The following MAST2 variants were observed in gnomAD, a reference collection of about 807,000 sequenced individuals.
The protein encoded by MAST2 is microtubule-associated serine/threonine-protein kinase 2.
Under a neutral mutation model 147.4 loss-of-function variants are expected in MAST2, and 70 were observed. The ratio of observed to expected loss-of-function variants is 0.47; its 90% CI spans 0.39 to 0.58. The LOEUF (loss-of-function observed/expected upper bound fraction) is 0.58. Among genes scored for constraint, MAST2 ranks in the 20% least tolerant of loss-of-function variants. The pLI is 0.00. For synonymous variants in MAST2, 869 were observed against 896.8 expected, an observed-to-expected ratio of 0.97 and a Z score of 0.55; for missense variants, 2,080 against 2,302.3, an observed-to-expected ratio of 0.90 and a Z score of 1.98.
In MAST2 at chr1:45,866,549, T is replaced by C. The variant is rs762202395; in HGVS notation, c.469-15815T>C. On this transcript the variant is annotated intron_variant, in intron 3 of 28. Coordinates refer to ENST00000361297, the MANE Select transcript of MAST2 (RefSeq NM_015112.3). ...TTGTTGAATGGGAAATATTTTCTGT[T>C]TTGTGTTAAATCATTCATTTTCTCC... is the stretch of plus-strand genomic sequence containing the variant. 2.8e-4 allele frequency among the ~76,000 whole-genome samples: 42 copies of C among 152,242 alleles called. 1 individual carries two copies. The Middle Eastern group carries it at 0.034, about 123-fold the overall frequency.
chr1:45,868,530 C>T (rs982345478), intron 3 of MAST2, among the ~76,000 whole-genome samples: 2 of 152,024 alleles, frequency 1.3e-5, no homozygotes, highest in African/African-American at 4.8e-5. Context: ...TATGCACCCC[C>T]CCCAACCCCC....
chr1:45,994,764 G>A (rs1644988571), intron 5 of MAST2, among the ~76,000 whole-genome samples: 1 of 152,032 alleles, frequency 6.6e-6, no homozygotes, highest in African/African-American at 2.4e-5. Context: ...GGGTACTAAG[G>A]CCAGTCAAAT....
At chr1:45,995,034 G>T (rs1245143551) in intron 5 of MAST2, among the ~76,000 whole-genome samples, 1 of 151,870 alleles carries the variant, frequency 6.6e-6, no homozygotes. Context: ...TAGAGACAGG[G>T]TTTCATTGTG....
chr1:45,837,966 G>T (rs1385669861), intron 3 of MAST2, among the ~76,000 whole-genome samples: 1 of 151,922 alleles, frequency 6.6e-6, no homozygotes, highest in African/African-American at 2.4e-5. Flanking sequence ...TTTAGTAGAG[G>T]TGGGGTTTCG....
intron 5 of MAST2, among the ~76,000 whole-genome samples, chr1:45,995,779 C>G (rs796181241): frequency 3.3e-5 from 5 of 152,282 alleles, no homozygotes; most frequent in African/African-American, 1.2e-4. Context: ...AACAATGATA[C>G]TGTTTTTCTT....
At chr1:46,009,753 C>T in intron 9 of MAST2, among the ~76,000 whole-genome samples, 1 of 152,064 alleles carries the variant, frequency 6.6e-6, no homozygotes. Context: ...CTTCTTTCTC[C>T]TCTACTCCCA....
At chr1:45,978,434 T>C (rs1644263587) in intron 5 of MAST2, among the ~76,000 whole-genome samples, 1 of 152,068 alleles carries the variant, frequency 6.6e-6, no homozygotes, top group Non-Finnish European at 1.5e-5. Context: ...AAGAATTACT[T>C]CAACCTGGGA....
intron 3 of MAST2, among the ~76,000 whole-genome samples, chr1:45,869,335 C>T (rs984153067): frequency 2.6e-5 from 4 of 152,090 alleles, no homozygotes; most frequent in Non-Finnish European, 5.9e-5. Context: ...CTGTAGATGC[C>T]ATGTATTCTG....
At position 46,023,889 on chromosome 1, in the gene MAST2, A is replaced by G; in HGVS notation, c.1689A>G (p.Ile563Met). The G allele has an allele frequency of 1.9e-6, 3 of 1,614,138 alleles. No homozygotes were observed. The highest frequency in any genetic ancestry group is 2.5e-6 in the Non-Finnish European group (3 of 1,180,030). Residue 563 changes from isoleucine to methionine, a missense_variant, in exon 15 of 29, where the codon ATA becomes ATG. Ile to Met is a conservative substitution (Grantham distance 10). Transcript: ENST00000361297. This position sits in a 1 kb window ranked among gnomAD's most constrained non-coding sequence, Gnocchi z 4.9. ...AGCAGGCCTTCGTGGAGCGTGACATACTGACTTTCGCTGAGAACCCCTTTG... is the reference window on the plus strand; with the variant it reads ...AGCAGGCCTTCGTGGAGCGTGACATGCTGACTTTCGCTGAGAACCCCTTTG... ...QIQQAFVERD[I>M]LTFAENPFVV...
chr1:45,997,314 A>G (rs927575206), intron 5 of MAST2, among the ~76,000 whole-genome samples: 1 of 152,180 alleles, frequency 6.6e-6, no homozygotes, highest in African/African-American at 2.4e-5. Flanking sequence ...GCAGAGATAT[A>G]TATGCAAGAA....
At chr1:45,915,448 C>T (rs1343436175) in intron 4 of MAST2, among the ~76,000 whole-genome samples, 1 of 152,150 alleles carries the variant, frequency 6.6e-6, no homozygotes, top group Admixed American at 6.5e-5. Context: ...CGGTGGCTTA[C>T]GCCAGTAATC....
chr1:46,000,238 C>T (rs1166033429), intron 6 of MAST2, among the ~76,000 whole-genome samples: 9 of 152,144 alleles, frequency 5.9e-5, no homozygotes, highest in East Asian at 3.9e-4. Flanking sequence ...CACTTGAATC[C>T]GGGAGGCAGA....
intron 4 of MAST2, among the ~76,000 whole-genome samples, chr1:45,883,985 A>G (rs570706488): frequency 7.9e-6 from 1 of 126,064 alleles, no homozygotes; most frequent in East Asian, 2.4e-4. Flanking sequence ...TATTAAGTGA[A>G]ATAAATTAAG....
In MAST2 at chr1:45,942,259, C is replaced by A. The variant is rs183981399; in HGVS notation, c.501-17127C>A. ...AGACTGTTGCTATCTGGCTTTGAAT[C>A]AAAATTACAGTAATGTTGTAAATTA... On this transcript the variant is annotated intron_variant, in intron 4 of 28. Transcript: ENST00000361297. 3.2e-3 allele frequency among the ~76,000 whole-genome samples: 485 copies of A among 151,850 alleles called. 1 individual carries two copies. Among genetic ancestry groups the A allele is most frequent in the Non-Finnish European group, 5.1e-3 (349 of 67,938 alleles).
intron 4 of MAST2, chr1:45,917,616 G>C: frequency 1.0e-6 from 1 of 996,432 alleles, no homozygotes; most frequent in Non-Finnish European, 1.4e-6. Context: ...CTTAATAATG[G>C]GGAGAAATGG....
chr1:45,912,274 T>C (rs182601342), intron 4 of MAST2, among the ~76,000 whole-genome samples: 1 of 152,244 alleles, frequency 6.6e-6, no homozygotes, highest in African/African-American at 2.4e-5. Flanking sequence ...AGACTTTGAC[T>C]TCAATAACAA....
chr1:45,858,061 C>T (rs1051126486), intron 3 of MAST2, among the ~76,000 whole-genome samples: 16 of 151,752 alleles, frequency 1.1e-4, no homozygotes, highest in Non-Finnish European at 1.6e-4. Flanking sequence ...TGAATAGTGC[C>T]GCAATAAACA....
chr1:45,907,269 T>C lies in MAST2; in HGVS notation c.500+24874T>C, dbSNP rs560472739. Among the ~76,000 whole-genome samples the C allele has an allele frequency of 6.3e-4, 96 of 152,300 alleles. 1 individual carries two copies. Among genetic ancestry groups the C allele is most frequent in the African/African-American group, 2.2e-3 (93 of 41,570 alleles). ...TTAATTTTGATGTTCTTTGTGAGTT[T>C]TTATAGTTAGTACTCACTCATTCTG... is the stretch of plus-strand genomic sequence containing the variant. On this transcript the variant is annotated intron_variant, in intron 4 of 28. Transcript: ENST00000361297.
Position 45,829,424 on chromosome 1 carries a change from A to C in MAST2, c.326-15A>C, listed in dbSNP as rs1644886803. 3.1e-6 allele frequency: 5 copies of C among 1,601,772 alleles called. No homozygotes were observed. In the East Asian group the frequency reaches 1.1e-4, roughly 36 times the overall value. Reference sequence around the variant, plus strand: ...AAATAATTACATGTATATTTTCCAAACCTTGTATTTGAAGGTAAGCAGCTG... The same window carrying C: ...AAATAATTACATGTATATTTTCCAACCCTTGTATTTGAAGGTAAGCAGCTG... On this transcript the variant is annotated splice_polypyrimidine_tract_variant and intron_variant, in intron 2 of 28. Coordinates refer to ENST00000361297, the MANE Select transcript of MAST2 (RefSeq NM_015112.3).
Sources: gnomAD v4.1 joint callset for allele counts (sites outside exome capture counted in the v4.1 genomes callset) on GRCh38, gnomAD v4.1.1 for gene constraint, Gnocchi (gnomAD v3.1) non-coding constraint, MANE v1.5 for transcripts, NCBI Gene and HGNC (gene_info 2026-07-23, HGNC 2026-07-21) for gene names.